Variants in RBFOX1 observed in about 807,000 individuals in gnomAD.
RBFOX1 encodes RNA binding protein fox-1 homolog 1.
A neutral mutation model predicts 57.7 loss-of-function variants in RBFOX1; 8 were observed. The observed-to-expected ratio is 0.14, with a 90% CI of 0.08 to 0.25. The LOEUF is 0.25. Among genes scored for constraint, RBFOX1 ranks in the 10% least tolerant of loss-of-function variants. The probability of loss-of-function intolerance (pLI) is 1.00; values close to 1 mark genes in which losing one functional copy is unlikely to be tolerated. For missense variants in RBFOX1, 611 were observed against 548.5 expected (o/e 1.11, Z -1.14); for synonymous variants, 326 against 222.4 (o/e 1.47, Z -4.15).
intron 4 of RBFOX1, among the ~76,000 whole-genome samples, chr16:7,380,268 G>A (rs566251064): frequency 3.4e-4 from 51 of 152,184 alleles, no homozygotes; most frequent in Non-Finnish European, 4.7e-4. Flanking sequence ...ACATAGAATC[G>A]TATAAAATAA....
chr16:6,908,070 C>T (rs2070536008), intron 3 of RBFOX1, among the ~76,000 whole-genome samples: 2 of 151,780 alleles, frequency 1.3e-5, no homozygotes, highest in Admixed American at 6.5e-5. Flanking sequence ...TCTGCAGAGA[C>T]CCCATTTCCA....
intron 2 of RBFOX1, among the ~76,000 whole-genome samples, chr16:5,579,585 A>G (rs1216174916): frequency 1.3e-5 from 2 of 151,958 alleles, no homozygotes; most frequent in Non-Finnish European, 2.9e-5. Context: ...CTGCTGCTCA[A>G]ACCACGCCCT....
At chr16:7,525,445 G>C (rs78702575) in intron 5 of RBFOX1, among the ~76,000 whole-genome samples, 5,871 of 152,176 alleles carry the variant, frequency 0.039, 190 homozygotes, top group East Asian at 0.13. Flanking sequence ...GTTTGCCTCT[G>C]GGTGTGAATG....
At chr16:7,055,185 C>G (rs1037253719) in intron 4 of RBFOX1, among the ~76,000 whole-genome samples, 1 of 151,956 alleles carries the variant, frequency 6.6e-6, no homozygotes, top group African/African-American at 2.4e-5. Context: ...CTTTAATTTG[C>G]AAAAATGAAA....
intron 2 of RBFOX1, among the ~76,000 whole-genome samples, chr16:5,537,767 A>T (rs1374647195): frequency 6.6e-6 from 1 of 152,198 alleles, no homozygotes; most frequent in Non-Finnish European, 1.5e-5. Flanking sequence ...CTCTGCTTCT[A>T]AGACCTCATG....
rs534142913 is a variant in RBFOX1, at chr16:6,388,706, T to C, written c.-64+71649T>C. On this transcript the variant is annotated intron_variant, in intron 2 of 15. Transcript: ENST00000550418. ...AGGGAGCTATGATTGTGTCACTGCC[T>C]TCTAGCTTGGATGACAGAGCGAGAT... Among the ~76,000 whole-genome samples, 3 of 152,218 alleles carry C rather than the reference T, an allele frequency of 2.0e-5. No homozygotes were observed. The East Asian group carries it at 5.8e-4, about 29-fold the overall frequency.
At chr16:6,802,390 G>T (rs998055311) in intron 3 of RBFOX1, among the ~76,000 whole-genome samples, 49 of 152,242 alleles carry the variant, frequency 3.2e-4, no homozygotes, top group African/African-American at 1.1e-3. Context: ...GAAAGTCCAT[G>T]TTATGGCCTG....
intron 14 of RBFOX1, among the ~76,000 whole-genome samples, chr16:7,694,183 C>T (rs2078073841): frequency 6.6e-6 from 1 of 152,196 alleles, no homozygotes; most frequent in African/African-American, 2.4e-5. Context: ...ACTAGGAAGT[C>T]TTGCCAATGT....
At chr16:5,422,040 G>T (rs2067344943) in intron 1 of RBFOX1, among the ~76,000 whole-genome samples, 2 of 152,214 alleles carry the variant, frequency 1.3e-5, no homozygotes, top group South Asian at 2.1e-4. Flanking sequence ...CAATTACGCA[G>T]TACCTGTTAA....
chr16:6,853,665 A>G (rs1291929720), intron 3 of RBFOX1, among the ~76,000 whole-genome samples: 2 of 152,158 alleles, frequency 1.3e-5, no homozygotes, highest in Admixed American at 6.5e-5. Context: ...GCCTGTATGG[A>G]GGCTAATTTG....
intron 4 of RBFOX1, among the ~76,000 whole-genome samples, chr16:5,971,769 C>G (rs1334697169): frequency 1.3e-5 from 2 of 152,160 alleles, no homozygotes; most frequent in African/African-American, 2.4e-5. Context: ...TTTTATGTGT[C>G]AAGCTGACTA....
chr16:7,036,396 T>A (rs1358091091), intron 3 of RBFOX1, among the ~76,000 whole-genome samples: 3 of 151,836 alleles, frequency 2.0e-5, no homozygotes, highest in Non-Finnish European at 4.4e-5. Context: ...CCAGATAGGG[T>A]TCTTGGATCT....
rs1473705376 is a variant in RBFOX1 at position 7,214,498 on chromosome 16, C to T, written c.27+162400C>T. Among the ~76,000 whole-genome samples, 5 of 152,126 alleles carry T rather than the reference C, an allele frequency of 3.3e-5. No individual in the cohort carries two copies. In the East Asian group the frequency reaches 9.7e-4, roughly 30 times the overall value. On this transcript the variant is annotated intron_variant, in intron 4 of 15. Coordinates refer to ENST00000550418, the MANE Select transcript of RBFOX1 (RefSeq NM_018723.4). ...CATCCACTGCCTCCATCTCCATCATCTCTCTGGTCCAAACCTCATCCGTCT... is the reference window on the plus strand; with the variant it reads ...CATCCACTGCCTCCATCTCCATCATTTCTCTGGTCCAAACCTCATCCGTCT...
At chr16:6,984,850 A>C (rs2089872572) in intron 3 of RBFOX1, among the ~76,000 whole-genome samples, 1 of 152,116 alleles carries the variant, frequency 6.6e-6, no homozygotes, top group Admixed American at 6.5e-5. Flanking sequence ...CATATTGGTC[A>C]GGCTGGTCTT....
chr16:5,779,527 A>G (rs1013334534), intron 3 of RBFOX1, among the ~76,000 whole-genome samples: 2 of 152,208 alleles, frequency 1.3e-5, no homozygotes, highest in African/African-American at 2.4e-5. Flanking sequence ...TTGAAACTAC[A>G]GAATCAAACG....
intron 3 of RBFOX1, among the ~76,000 whole-genome samples, chr16:5,690,428 C>T (rs559943818): frequency 6.6e-6 from 1 of 152,164 alleles, no homozygotes; most frequent in Non-Finnish European, 1.5e-5. Flanking sequence ...GCTCTACAAA[C>T]AGGATAGCCA....
At chr16:6,862,361 T>G (rs1055835746) in intron 3 of RBFOX1, among the ~76,000 whole-genome samples, 1 of 152,176 alleles carries the variant, frequency 6.6e-6, no homozygotes, top group African/African-American at 2.4e-5. Flanking sequence ...AAGCACATTT[T>G]GAACACCAAG....
intron 2 of RBFOX1, among the ~76,000 whole-genome samples, chr16:5,506,331 C>T (rs2043377829): frequency 6.6e-6 from 1 of 152,202 alleles, no homozygotes; most frequent in African/African-American, 2.4e-5. Flanking sequence ...TCGCGGATAG[C>T]TCCTCACAGG....
intron 4 of RBFOX1, among the ~76,000 whole-genome samples, chr16:7,446,351 G>C (rs905351834): frequency 1.3e-5 from 2 of 152,136 alleles, no homozygotes; most frequent in South Asian, 2.1e-4. Context: ...AATGAAAATG[G>C]TGTGAATCTA....
Sources: gnomAD v4.1 joint callset for allele counts (sites outside exome capture counted in the v4.1 genomes callset) on GRCh38, gnomAD v4.1.1 for gene constraint, MANE v1.5 for transcripts, NCBI Gene and HGNC (gene_info 2026-07-23, HGNC 2026-07-21) for gene names.